The following RXRA variants were observed in gnomAD, a reference collection of about 807,000 sequenced individuals.
The protein encoded by RXRA is retinoic acid receptor RXR-alpha.
Under a neutral mutation model 44.5 loss-of-function variants are expected in RXRA, and 5 were observed. That is an observed-to-expected ratio of 0.11 (90% CI 0.06 to 0.24). RXRA has a LOEUF of 0.24. Among genes scored for constraint, RXRA ranks in the 10% least tolerant of loss-of-function variants. The probability of loss-of-function intolerance (pLI) is 1.00; values close to 1 mark genes in which losing one functional copy is unlikely to be tolerated. For synonymous variants in RXRA, 291 were observed against 271.4 expected, an observed-to-expected ratio of 1.07 and a Z score of -0.71; for missense variants, 412 against 646.5, an observed-to-expected ratio of 0.64 and a Z score of 3.93.
chr9:134,344,531 C>T (rs1268436977), intron 1 of RXRA, among the ~76,000 whole-genome samples: 1 of 152,148 alleles, frequency 6.6e-6, no homozygotes, highest in Non-Finnish European at 1.5e-5. Context: ...GTCCTTGGTT[C>T]CTTTCTCTGG....
At chr9:134,400,068 G>A (rs11103704) in intron 1 of RXRA, among the ~76,000 whole-genome samples, 20,355 of 152,288 alleles carry the variant, frequency 0.13, 4,476 homozygotes, top group African/African-American at 0.46. Flanking sequence ...GCTGTGTGAG[G>A]TAAGAAGAGT....
intron 1 of RXRA, among the ~76,000 whole-genome samples, chr9:134,363,989 G>T (rs181714938): frequency 6.6e-6 from 1 of 152,302 alleles, no homozygotes; most frequent in East Asian, 1.9e-4. Flanking sequence ...TACTGGGTCC[G>T]TGCCGGGCTT....
chr9:134,431,834 G>A, intron 7 of RXRA, 71 bp from the exon 8 acceptor site: 5 of 1,240,418 alleles, frequency 4.0e-6, no homozygotes, highest in Non-Finnish European at 3.5e-6. Context: ...GAGGCCTTGG[G>A]TATCTGGGGT....
chr9:134,333,122 A>G (rs62576301), intron 1 of RXRA, among the ~76,000 whole-genome samples: 11,945 of 152,214 alleles, frequency 0.078, 556 homozygotes, highest in Middle Eastern at 0.13. Flanking sequence ...TGCTGAGACC[A>G]TGGAGGGGAC....
At position 134,437,947 on chromosome 9, in the gene RXRA, C is replaced by A. The variant is rs542215071; in HGVS notation, c.*1333C>A. The A allele has an allele frequency of 3.0e-4, 45 of 152,398 alleles. No individual in the cohort carries two copies. Among genetic ancestry groups the A allele is most frequent in the African/African-American group, 1.0e-3 (43 of 41,566 alleles). The allele number at this position is 152,398 out of a possible 1,614,324, so 9.4% of individuals were successfully genotyped here. On this transcript the variant is annotated 3_prime_UTR_variant, in exon 10 of 10. Transcript: ENST00000481739. ...GGTGGGGTGGGGGCGGGGCTTGGGG[C>A]CTCCCTGGCTCAGCCCAGTGCGGCC...
In RXRA at chr9:134,407,243, G is replaced by A. The variant is rs772178522; in HGVS notation, c.280-906G>A. On this transcript the variant is annotated intron_variant, in intron 2 of 9. Coordinates refer to ENST00000481739, the MANE Select transcript of RXRA (RefSeq NM_002957.6). This position sits in a 1 kb window ranked among gnomAD's most constrained non-coding sequence, Gnocchi z 4.8. ...AACTCTTCCTGTCCCGTGAGAAGGGGGGATGGGATTTGGAGGCCTGAGGAA... is the reference window on the plus strand; with the variant it reads ...AACTCTTCCTGTCCCGTGAGAAGGGAGGATGGGATTTGGAGGCCTGAGGAA... 6.6e-6 allele frequency among the ~76,000 whole-genome samples: 1 copy of A among 152,258 alleles called. No homozygotes were observed. The highest frequency in any genetic ancestry group is 1.5e-5 in the Non-Finnish European group (1 of 68,046).
chr9:134,424,117 G>T (rs1048753090), intron 6 of RXRA: 3 of 980,810 alleles, frequency 3.1e-6, no homozygotes, highest in South Asian at 4.7e-5. Context: ...GGGCCTGCGT[G>T]GGGTGGTCGT....
chr9:134,346,911 G>A (rs1554748880), intron 1 of RXRA, among the ~76,000 whole-genome samples: 2 of 152,210 alleles, frequency 1.3e-5, no homozygotes, highest in Admixed American at 6.5e-5. Flanking sequence ...CCCATCTTAC[G>A]GAGGGGGAGG....
At chr9:134,415,545 T>C (rs1183290787) in intron 4 of RXRA, among the ~76,000 whole-genome samples, 3 of 151,822 alleles carry the variant, frequency 2.0e-5, no homozygotes, top group Non-Finnish European at 4.4e-5. Context: ...CTGCCCACCA[T>C]CGAGACATCC....
intron 8 of RXRA, among the ~76,000 whole-genome samples, chr9:134,432,587 C>T (rs1451453572): frequency 6.6e-6 from 1 of 152,276 alleles, no homozygotes; most frequent in African/African-American, 2.4e-5. Flanking sequence ...GGTGCTACTC[C>T]TTCGCCCAAC....
intron 1 of RXRA, among the ~76,000 whole-genome samples, chr9:134,358,968 C>A (rs1032429049): frequency 6.6e-6 from 1 of 152,162 alleles, no homozygotes; most frequent in Non-Finnish European, 1.5e-5. Flanking sequence ...AGCGTTGCGC[C>A]CACTCCTACC....
At chr9:134,375,480 A>G (rs1288622635) in intron 1 of RXRA, among the ~76,000 whole-genome samples, 1 of 152,172 alleles carries the variant, frequency 6.6e-6, no homozygotes, top group African/African-American at 2.4e-5. Context: ...GGCAGTGGGC[A>G]GGGGATTCCA....
In RXRA at chr9:134,430,420, G is replaced by A. The variant is rs34261581; in HGVS notation, c.1043+1180G>A. Among the ~76,000 whole-genome samples the A allele has an allele frequency of 7.8e-3, 1,182 of 152,308 alleles. 14 individuals carry two copies. Among genetic ancestry groups the A allele is most frequent in the African/African-American group, 0.027 (1,132 of 41,556 alleles). ...TAGAGGTGAGTAGAGGCCATGCACC[G>A]GCACTTACAGGGGGATTAATGCCCC... On this transcript the variant is annotated intron_variant, in intron 7 of 9. Coordinates refer to ENST00000481739, the MANE Select transcript of RXRA (RefSeq NM_002957.6).
intron 1 of RXRA, among the ~76,000 whole-genome samples, chr9:134,392,754 T>C (rs1830819036): frequency 1.3e-5 from 2 of 152,174 alleles, no homozygotes. Context: ...AGATTTGCGG[T>C]CCCTGGTCCT....
At chr9:134,390,621 C>T (rs1310804870) in intron 1 of RXRA, among the ~76,000 whole-genome samples, 1 of 152,222 alleles carries the variant, frequency 6.6e-6, no homozygotes, top group Non-Finnish European at 1.5e-5. Context: ...GAAGAGGCAA[C>T]TCTGGGTGCA....
chr9:134,428,068 T>A (rs1831463377), intron 6 of RXRA, among the ~76,000 whole-genome samples: 1 of 152,180 alleles, frequency 6.6e-6, no homozygotes, highest in Non-Finnish European at 1.5e-5. Context: ...GCAGTGCGTG[T>A]GCACGCGAGG....
chr9:134,390,237 C>T (rs142527565), intron 1 of RXRA, among the ~76,000 whole-genome samples: 30 of 152,294 alleles, frequency 2.0e-4, no homozygotes, highest in African/African-American at 6.5e-4. Flanking sequence ...GGTAGGGGCC[C>T]GGGTGCCCCT....
intron 1 of RXRA, among the ~76,000 whole-genome samples, chr9:134,368,716 A>G (rs1215752240): frequency 1.3e-5 from 2 of 149,508 alleles, no homozygotes; most frequent in Non-Finnish European, 3.0e-5. Context: ...TGTATGTGTG[A>G]CTTCATGCCA....
chr9:134,412,608 A>G (rs1328340575), intron 4 of RXRA, among the ~76,000 whole-genome samples: 1 of 152,034 alleles, frequency 6.6e-6, no homozygotes, highest in Non-Finnish European at 1.5e-5. Flanking sequence ...GTTCCGCAGC[A>G]TTCCCGGGAC....
Sources: allele counts gnomAD v4.1 joint callset (sites outside exome capture counted in the v4.1 genomes callset), GRCh38; gene constraint gnomAD v4.1.1; non-coding constraint Gnocchi (gnomAD v3.1); transcripts MANE v1.5; gene names NCBI Gene and HGNC (gene_info 2026-07-23, HGNC 2026-07-21).